FAM53B: variants seen among roughly 807,000 people sequenced by gnomAD.
The protein encoded by FAM53B is protein FAM53B.
A neutral mutation model predicts 32.7 loss-of-function variants in FAM53B; 12 were observed. The ratio of observed to expected loss-of-function variants is 0.37; its 90% CI spans 0.24 to 0.59. FAM53B has a LOEUF of 0.59. FAM53B is among the 20% of genes least tolerant of loss of function. FAM53B has a pLI of 0.72. For synonymous variants in FAM53B, 234 were observed against 228.7 expected, an observed-to-expected ratio of 1.02 and a Z score of -0.21; for missense variants, 477 against 577.7, an observed-to-expected ratio of 0.83 and a Z score of 1.79.
In FAM53B at chr10:124,679,481, C is replaced by G. The variant is rs138311818; in HGVS notation, c.906+2126G>C. On this transcript the variant is annotated intron_variant, in intron 4 of 4. Coordinates refer to ENST00000337318, the MANE Select transcript of FAM53B (RefSeq NM_014661.4). ...GGGCCCCACAGAAAAGCAAGGTCCA[C>G]CTCCCCAGGCTAGAAATCATCTGAT... Among the ~76,000 whole-genome samples the G allele has an allele frequency of 7.4e-3, 1,123 of 152,352 alleles. 18 individuals carry two copies. Among genetic ancestry groups the G allele is most frequent in the African/African-American group, 0.025 (1,057 of 41,584 alleles).
rs549581210 is a variant in FAM53B, at chr10:124,677,767, C to T, written c.906+3840G>A. On this transcript the variant is annotated intron_variant, in intron 4 of 4. Coordinates refer to ENST00000337318, the MANE Select transcript of FAM53B (RefSeq NM_014661.4). ...CATCCCCGACAGACAAGAGCCCCCA[C>T]TGCCATTAACTGGACAGCTGTGCCC... is the stretch of plus-strand genomic sequence containing the variant. Among the ~76,000 whole-genome samples the T allele has an allele frequency of 7.9e-5, 12 of 152,380 alleles. No individual in the cohort carries two copies. The South Asian group carries it at 1.7e-3, about 21-fold the overall frequency.
intron 4 of FAM53B, among the ~76,000 whole-genome samples, chr10:124,634,591 C>T (rs1176224041): frequency 6.6e-6 from 1 of 152,246 alleles, no homozygotes; most frequent in Non-Finnish European, 1.5e-5. Context: ...TTTGCTTCCC[C>T]TTCCGCCATG....
chr10:124,710,856 A>G (rs1172762748), intron 1 of FAM53B, among the ~76,000 whole-genome samples: 1 of 150,766 alleles, frequency 6.6e-6, no homozygotes, highest in Non-Finnish European at 1.5e-5. Context: ...TGGGATTTGA[A>G]CCCTGGTGGG....
At chr10:124,654,248 C>T (rs1949572557) in intron 4 of FAM53B, among the ~76,000 whole-genome samples, 4 of 152,230 alleles carry the variant, frequency 2.6e-5, no homozygotes, top group Admixed American at 6.5e-5. Flanking sequence ...CGTCATGCAA[C>T]GCTATGGTGC....
intron 1 of FAM53B, among the ~76,000 whole-genome samples, chr10:124,734,448 C>T (rs1378768838): frequency 1.3e-5 from 2 of 152,222 alleles, no homozygotes; most frequent in Non-Finnish European, 2.9e-5. Context: ...TGACACGCTC[C>T]ACCTGGCAGA....
chr10:124,742,259 C>CT (rs1191114642), intron 1 of FAM53B, among the ~76,000 whole-genome samples: 2 of 152,206 alleles, frequency 1.3e-5, no homozygotes, highest in Non-Finnish European at 2.9e-5. Flanking sequence ...CTGAATGGGA[C>CT]TATCAACTGG....
intron 3 of FAM53B, among the ~76,000 whole-genome samples, chr10:124,693,313 T>A (rs1391318501): frequency 6.6e-6 from 1 of 151,804 alleles, no homozygotes; most frequent in Non-Finnish European, 1.5e-5. Flanking sequence ...CTACTAAAAA[T>A]ACAAAAATTA....
chr10:124,629,992 G>A (rs1949380222), intron 4 of FAM53B, among the ~76,000 whole-genome samples: 1 of 152,114 alleles, frequency 6.6e-6, no homozygotes, highest in East Asian at 1.9e-4. Flanking sequence ...CTTTCCCTAG[G>A]GGCTGACTGC....
intron 2 of FAM53B, among the ~76,000 whole-genome samples, chr10:124,696,643 G>A (rs551773741): frequency 8.5e-5 from 13 of 152,276 alleles, no homozygotes; most frequent in East Asian, 5.8e-4. Context: ...CCCCAGGTCC[G>A]ACTCCGAGAC....
chr10:124,729,480 G>T (rs1404010277), intron 1 of FAM53B, among the ~76,000 whole-genome samples: 1 of 152,218 alleles, frequency 6.6e-6, no homozygotes, highest in African/African-American at 2.4e-5. Flanking sequence ...CTAGAGCTAA[G>T]TTCATCAGGC....
chr10:124,699,726 T>C (rs1377226085), intron 2 of FAM53B, among the ~76,000 whole-genome samples: 1 of 152,206 alleles, frequency 6.6e-6, no homozygotes, highest in Non-Finnish European at 1.5e-5. Flanking sequence ...CCACCTCCCC[T>C]GGCCCCAGGC....
At chr10:124,649,894 A>AT (rs1949545586) in intron 4 of FAM53B, among the ~76,000 whole-genome samples, 1 of 152,220 alleles carries the variant, frequency 6.6e-6, no homozygotes, top group Non-Finnish European at 1.5e-5. Context: ...TTTTAAGTCC[A>AT]TGGTGCCTTT....
intron 4 of FAM53B, among the ~76,000 whole-genome samples, chr10:124,639,310 T>C (rs1461326508): frequency 1.3e-5 from 2 of 152,202 alleles, no homozygotes; most frequent in Non-Finnish European, 2.9e-5. Flanking sequence ...TAAAGAGTAC[T>C]GGAGGTGCCA....
rs370779527 is a variant in FAM53B, at chr10:124,701,034, T to G, written c.79-4822A>C. Among the ~76,000 whole-genome samples, 8 of 152,364 alleles carry G rather than the reference T, an allele frequency of 5.3e-5. No homozygotes were observed. The East Asian group carries it at 1.2e-3, about 22-fold the overall frequency. On this transcript the variant is annotated intron_variant, in intron 2 of 4. Transcript: ENST00000337318. ...GATGCGGATAGAGATACGCTGGCCC[T>G]GACTCCTGAGGCTCTGGGATTAGCC... is the stretch of plus-strand genomic sequence containing the variant.
Position 124,682,633 on chromosome 10 carries a change from T to C in FAM53B, c.134-254A>G, listed in dbSNP as rs1320363442. Among the ~76,000 whole-genome samples the C allele has an allele frequency of 6.6e-6, 1 of 152,174 alleles. No homozygotes were observed. On this transcript the variant is annotated intron_variant, in intron 3 of 4. Coordinates refer to ENST00000337318, the MANE Select transcript of FAM53B (RefSeq NM_014661.4). The surrounding 1 kb of genome is among the most constrained non-coding windows in gnomAD (Gnocchi z 5.2). ...CCAGATATACCCCTGGGACTCCTGA[T>C]ATGGTTTTCTTTCCAGTGTACCACA...
chr10:124,706,766 C>T lies in FAM53B; in HGVS notation c.-53G>A. The T allele has an allele frequency of 1.9e-6, 3 of 1,613,148 alleles. No homozygotes were observed. The highest frequency in any genetic ancestry group is 2.5e-6 in the Non-Finnish European group (3 of 1,179,650). On this transcript the variant is annotated 5_prime_UTR_variant, in exon 2 of 5. Transcript: ENST00000337318. Reference sequence around the variant, plus strand: ...TCCCAGGGTGGGTATCAGCCATCTTCACTTGGGCAGACTTGGGGTGAGTAC... The same window carrying T: ...TCCCAGGGTGGGTATCAGCCATCTTTACTTGGGCAGACTTGGGGTGAGTAC...
intron 1 of FAM53B, among the ~76,000 whole-genome samples, chr10:124,714,672 T>C (rs1400883667): frequency 7.1e-6 from 1 of 140,030 alleles, no homozygotes; most frequent in Non-Finnish European, 1.5e-5. Context: ...GGCAGGAGAA[T>C]GGCGGGAACC....
At chr10:124,680,261 C>G (rs561898749) in intron 4 of FAM53B, among the ~76,000 whole-genome samples, 4 of 152,192 alleles carry the variant, frequency 2.6e-5, no homozygotes, top group African/African-American at 4.8e-5. Flanking sequence ...GGCTCTCCCC[C>G]AAGCGGATCC....
chr10:124,691,789 C>G (rs1379442207), intron 3 of FAM53B, among the ~76,000 whole-genome samples: 1 of 152,226 alleles, frequency 6.6e-6, no homozygotes, highest in Non-Finnish European at 1.5e-5. Context: ...GGGTCCCCCA[C>G]TGCAAGTGGG....
Sources: allele counts gnomAD v4.1 joint callset (sites outside exome capture counted in the v4.1 genomes callset), GRCh38; gene constraint gnomAD v4.1.1; non-coding constraint Gnocchi (gnomAD v3.1); transcripts MANE v1.5; gene names NCBI Gene and HGNC (gene_info 2026-07-23, HGNC 2026-07-21).